Variants in PAM observed in about 807,000 individuals in gnomAD.
PAM encodes peptidyl-glycine alpha-amidating monooxygenase.
Under a neutral mutation model 122.1 loss-of-function variants are expected in PAM, and 72 were observed. The observed-to-expected ratio is 0.59, with a 90% CI of 0.49 to 0.72. The LOEUF (loss-of-function observed/expected upper bound fraction) is 0.72. Among genes scored for constraint, PAM ranks in the 30% least tolerant of loss-of-function variants. The pLI, the probability that PAM is intolerant of heterozygous loss-of-function variation, is 0.00. For synonymous variants in PAM, 389 were observed against 404.4 expected (o/e 0.96, Z 0.46); for missense variants, 1,106 against 1,183.7 (o/e 0.93, Z 0.96).
At chr5:102,926,011 G>A (rs1184622418) in intron 6 of PAM, among the ~76,000 whole-genome samples, 1 of 151,874 alleles carries the variant, frequency 6.6e-6, no homozygotes. Context: ...GCTCCTAAGA[G>A]GTCTATTTCC....
chr5:102,806,170 A>C (rs1766173906), intron 1 of PAM, among the ~76,000 whole-genome samples: 1 of 152,068 alleles, frequency 6.6e-6, no homozygotes, highest in Non-Finnish European at 1.5e-5. Flanking sequence ...GATAACCTTT[A>C]TTTGCTTTTT....
At chr5:102,854,778 A>C (rs1782189821) in intron 1 of PAM, among the ~76,000 whole-genome samples, 1 of 152,168 alleles carries the variant, frequency 6.6e-6, no homozygotes, top group Non-Finnish European at 1.5e-5. Context: ...TAAACTCACC[A>C]CCTGTTTGTG....
At chr5:102,964,232 A>G (rs1383969768) in intron 14 of PAM, among the ~76,000 whole-genome samples, 1 of 151,954 alleles carries the variant, frequency 6.6e-6, no homozygotes, top group African/African-American at 2.4e-5. Flanking sequence ...TATCTCAAAA[A>G]TTGCTAGCTA....
At chr5:102,841,026 T>C (rs768339655) in intron 1 of PAM, among the ~76,000 whole-genome samples, 1 of 99,264 alleles carries the variant, frequency 1.0e-5, no homozygotes, top group Non-Finnish European at 1.9e-5. Flanking sequence ...AAACATACTC[T>C]TTATGTGATT....
intron 4 of PAM, 139 bp from the exon 5 acceptor site, chr5:102,913,795 C>T (rs1298099062): frequency 4.1e-5 from 24 of 589,784 alleles, no homozygotes; most frequent in South Asian, 3.9e-4. Flanking sequence ...ATAATTTATA[C>T]AGACAGGGCA....
At chr5:102,974,998 C>T (rs968056956) in intron 15 of PAM, among the ~76,000 whole-genome samples, 3 of 152,144 alleles carry the variant, frequency 2.0e-5, no homozygotes, top group African/African-American at 7.2e-5. Flanking sequence ...GAAGGGACCT[C>T]TACTAAGTCA....
At chr5:102,881,137 C>CACACACACACACACACACACAT (rs1561742306) in intron 3 of PAM, among the ~76,000 whole-genome samples, 2 of 151,318 alleles carry the variant, frequency 1.3e-5, no homozygotes, top group African/African-American at 4.9e-5. Flanking sequence ...CATACACACA[C>CACACACACACACACACACACAT]ACACACACAC....
rs568126936 is a variant in PAM, at chr5:102,906,774, T to C, written c.268+5361T>C. On this transcript the variant is annotated intron_variant, in intron 4 of 25. Transcript: ENST00000438793. ...TGAGAATGAGGAGTGGATGTAAAGA[T>C]TGCCATATTGGAAATGTAGTGAGCT... Among the ~76,000 whole-genome samples, 9 of 151,760 alleles carry C rather than the reference T, an allele frequency of 5.9e-5. No homozygotes were observed. In the East Asian group the frequency reaches 1.6e-3, roughly 26 times the overall value.
Position 102,866,291 on chromosome 5 carries a change from G to A in PAM, c.89+7G>A, listed in dbSNP as rs1463055063. Reference sequence around the variant, plus strand: ...CACTTTCTGTCTTTAAGAGGTGGGTGTTCGTTGTTCGGGTGCTTTCTGTGC... The same window carrying A: ...CACTTTCTGTCTTTAAGAGGTGGGTATTCGTTGTTCGGGTGCTTTCTGTGC... On this transcript the variant is annotated splice_region_variant and intron_variant, in intron 2 of 25. Transcript: ENST00000438793. 1.3e-6 allele frequency: 2 copies of A among 1,578,528 alleles called. No homozygotes were observed. The highest frequency in any genetic ancestry group is 1.1e-5 in the South Asian group (1 of 90,384).
At chr5:102,847,444 G>GT (rs1411519250) in intron 1 of PAM, among the ~76,000 whole-genome samples, 5 of 151,816 alleles carry the variant, frequency 3.3e-5, no homozygotes, top group East Asian at 3.9e-4. Flanking sequence ...CATCTCAAAA[G>GT]TTTTTTTTGC....
chr5:102,873,760 C>T (rs1226506663), intron 3 of PAM: 17 of 152,184 alleles, frequency 1.1e-4, no homozygotes, highest in Admixed American at 9.8e-4. Flanking sequence ...AAAGTCGCTC[C>T]AGTGGCCAGC....
intron 1 of PAM, among the ~76,000 whole-genome samples, chr5:102,794,554 G>GA (rs36113432): frequency 0.36 from 55,234 of 151,430 alleles, 10,294 homozygotes; most frequent in East Asian, 0.4. Flanking sequence ...AAGGTTAGGT[G>GA]AAAAAAAAGA....
chr5:102,894,505 C>G (rs1408531858), intron 3 of PAM, among the ~76,000 whole-genome samples: 3 of 151,604 alleles, frequency 2.0e-5, no homozygotes, highest in African/African-American at 7.3e-5. Context: ...TTCTCTTTCC[C>G]TTTTTTCTGT....
At chr5:102,804,042 G>C (rs1411948715) in intron 1 of PAM, among the ~76,000 whole-genome samples, 1 of 152,098 alleles carries the variant, frequency 6.6e-6, no homozygotes, top group Non-Finnish European at 1.5e-5. Context: ...TTGCAGGGGG[G>C]GATGGGGAGA....
At chr5:102,859,092 T>A (rs1220820807) in intron 1 of PAM, among the ~76,000 whole-genome samples, 1 of 152,228 alleles carries the variant, frequency 6.6e-6, no homozygotes, top group African/African-American at 2.4e-5. Flanking sequence ...AACGACTGTG[T>A]TATTGGTTTA....
At chr5:102,942,658 C>G (rs1308648478) in intron 7 of PAM, among the ~76,000 whole-genome samples, 1 of 151,482 alleles carries the variant, frequency 6.6e-6, no homozygotes. Context: ...TCATGGCTTA[C>G]TGCAGCCTCG....
intron 1 of PAM, among the ~76,000 whole-genome samples, chr5:102,847,089 T>C (rs1361049719): frequency 6.6e-6 from 1 of 152,128 alleles, no homozygotes; most frequent in Non-Finnish European, 1.5e-5. Flanking sequence ...TCTTTTTCTT[T>C]CTCCCGAGTC....
At chr5:102,901,226 C>A in intron 3 of PAM, 130 bp from the exon 4 acceptor site, 1 of 587,424 alleles carries the variant, frequency 1.7e-6, no homozygotes, top group South Asian at 2.1e-5. Flanking sequence ...TAACCTGCCA[C>A]TCAGCCCTCA....
At chr5:102,970,134 A>G (rs1582343402) in intron 14 of PAM, among the ~76,000 whole-genome samples, 1 of 152,320 alleles carries the variant, frequency 6.6e-6, no homozygotes, top group South Asian at 2.1e-4. Flanking sequence ...CAACGGTGAA[A>G]TAGGAAGTGG....
Sources: gnomAD v4.1 joint callset for allele counts (sites outside exome capture counted in the v4.1 genomes callset) on GRCh38, gnomAD v4.1.1 for gene constraint, MANE v1.5 for transcripts, NCBI Gene and HGNC (gene_info 2026-07-23, HGNC 2026-07-21) for gene names.